MRPL9: variants seen among roughly 807,000 people sequenced by gnomAD.
MRPL9 encodes the protein mitochondrial ribosomal protein L9, also known as large ribosomal subunit protein bL9m.
A neutral mutation model predicts 27.6 loss-of-function variants in MRPL9; 25 were observed. The ratio of observed to expected loss-of-function variants is 0.91; its 90% CI spans 0.66 to 1.27. The LOEUF (loss-of-function observed/expected upper bound fraction) is 1.27, where lower values mean the gene tolerates loss of function less well. Ranked by LOEUF, MRPL9 falls within the 50% of genes most tolerant of loss-of-function variation. MRPL9 has a pLI of 0.00. For synonymous variants in MRPL9, 154 were observed against 139.0 expected, an observed-to-expected ratio of 1.11 and a Z score of -0.76; for missense variants, 362 against 338.0, an observed-to-expected ratio of 1.07 and a Z score of -0.56.
At chr1:151,762,295 G>C in intron 3 of MRPL9, 81 bp downstream of exon 3, 1 of 1,596,286 alleles carries the variant, frequency 6.3e-7, no homozygotes, top group Non-Finnish European at 8.6e-7. Flanking sequence ...TTCAAGTTAA[G>C]TTAAATGTCA....
intron 5 of MRPL9, 25 bp from the exon 6 acceptor site, chr1:151,760,924 A>AAAAAAAAAAAAAAAAAAAC (rs1648043722): frequency 6.6e-7 from 1 of 1,513,942 alleles, no homozygotes; most frequent in Non-Finnish European, 8.9e-7. Flanking sequence ...AAAAAAAAAA[A>AAAAAAAAAAAAAAAAAAAC]AATCTCAGCT....
intron 6 of MRPL9, 115 bp from the exon 7 acceptor site, chr1:151,760,296 G>C: frequency 7.3e-7 from 1 of 1,377,838 alleles, no homozygotes; most frequent in African/African-American, 1.5e-5. Flanking sequence ...GGAGAGCTAG[G>C]GCTGGGCACA....
At chr1:151,761,876 T>C in intron 4 of MRPL9, 1 of 599,812 alleles carries the variant, frequency 1.7e-6, no homozygotes, top group Non-Finnish European at 3.0e-6. Flanking sequence ...ATTCCATGGG[T>C]TCCCTGATTC....
intron 2 of MRPL9, 110 bp from the exon 3 acceptor site, chr1:151,762,610 A>C (rs1648150250): frequency 1.8e-6 from 2 of 1,134,154 alleles, no homozygotes; most frequent in South Asian, 3.2e-5. Context: ...ATTTTTCCTA[A>C]AAGAAATGCT....
At chr1:151,763,279 A>G (rs540324833) in intron 1 of MRPL9, 48 bp downstream of exon 1, 2 of 1,560,736 alleles carry the variant, frequency 1.3e-6, no homozygotes, top group African/African-American at 2.7e-5. Context: ...GCGCCTCCAG[A>G]AACAATACTC....
In MRPL9 at chr1:151,760,891, A is replaced by G; in HGVS notation, c.597T>C (p.Val199=). ...VARHFFKNLG[V]VVAPHTLKLP... Reference sequence around the variant, plus strand: ...ACTTTAATGTATGTGGGGCAACCACAACACCAAGCTGCAAAAAAAAAAAAA... The same window carrying G: ...ACTTTAATGTATGTGGGGCAACCACGACACCAAGCTGCAAAAAAAAAAAAA... The change falls in exon 6 of 7, where the codon GTT becomes GTC. Residue 199 remains valine (V), a synonymous_variant. Transcript: ENST00000368830. 6.5e-7 allele frequency: 1 copy of G among 1,527,158 alleles called. No individual in the cohort carries two copies. Among genetic ancestry groups the G allele is most frequent in the Non-Finnish European group, 8.7e-7 (1 of 1,144,824 alleles). The allele number at this position is 1,527,158 out of a possible 1,614,324, so 94.6% of individuals were successfully genotyped here.
chr1:151,763,070 T>A lies in MRPL9; in HGVS notation c.230A>T (p.His77Leu), dbSNP rs767800887. Reference protein sequence around the residue: ...EGRKPRLHRRHRVYKLVEDTK... With the variant: ...EGRKPRLHRRLRVYKLVEDTK... ...GTCCTCCACCAGCTTATAGACGCGA[T>A]GTCGCCGGTGCAGGCGCGGCTTCCG... The change falls in exon 2 of 7, where the codon CAT becomes CTT. Residue 77 changes from histidine (H) to leucine (L), a missense_variant. Physicochemically the swap from His to Leu is moderately conservative, Grantham distance 99. Coordinates refer to ENST00000368830, the MANE Select transcript of MRPL9 (RefSeq NM_031420.4). 6.2e-7 allele frequency: 1 copy of A among 1,614,038 alleles called. No homozygotes were observed. The highest frequency in any genetic ancestry group is 8.5e-7 in the Non-Finnish European group (1 of 1,180,010).
rs1553276959 is a variant in MRPL9, at chr1:151,760,921, A to AT, written c.589-23_589-22insA. On this transcript the variant is annotated intron_variant, in intron 5 of 6. Transcript: ENST00000368830. ...CAAGCTGCAAAAAAAAAAAAAAAAA[A>AT]AAAAATCTCAGCTCAAATGAACTCT... 3 of 1,541,120 alleles carry AT rather than the reference A, an allele frequency of 1.9e-6. No individual in the cohort carries two copies. The African/African-American group carries it at 4.4e-5, about 22-fold the overall frequency.
chr1:151,762,265 C>T (rs991489210), intron 3 of MRPL9, 110 bp from the exon 4 acceptor site: 2 of 1,574,418 alleles, frequency 1.3e-6, no homozygotes, highest in East Asian at 2.2e-5. Flanking sequence ...CATTCCTGTT[C>T]TTCTAGTTCC....
At position 151,763,454 on chromosome 1, in the gene MRPL9, G is replaced by T. The variant is rs1216068448; in HGVS notation, c.26C>A (p.Pro9Gln). The change falls in exon 1 of 7, where the codon CCG becomes CAG. Residue 9 changes from proline to glutamine, a missense_variant. By Grantham distance (76) the Pro-to-Gln change is moderately conservative. Transcript: ENST00000368830. Reference sequence around the variant, plus strand: ...GCCCGCCCGCAGCAGAGCTCTGCCCGGGGCCGTGACAACGGGCGCCGCCAT... The same window carrying T: ...GCCCGCCCGCAGCAGAGCTCTGCCCTGGGCCGTGACAACGGGCGCCGCCAT... MAAPVVTA[P>Q]GRALLRAGAG... The T allele has an allele frequency of 2.5e-6, 4 of 1,574,248 alleles. No homozygotes were observed. In the African/African-American group the frequency reaches 5.4e-5, roughly 21 times the overall value.
At chr1:151,760,669 G>T in intron 6 of MRPL9, 147 bp downstream of exon 6, 1 of 631,610 alleles carries the variant, frequency 1.6e-6, no homozygotes, top group Non-Finnish European at 2.6e-6. Flanking sequence ...TACTTGGGAG[G>T]CTGAGGTGGG....
chr1:151,761,572 T>A lies in MRPL9; in HGVS notation c.487-20A>T. ...CACTGTCTGAAAGGAATTATGAGTT[T>A]GAGTCAAAGGAGAGGAAACATGTCA... is the stretch of plus-strand genomic sequence containing the variant. On this transcript the variant is annotated intron_variant, in intron 4 of 6. Coordinates refer to ENST00000368830, the MANE Select transcript of MRPL9 (RefSeq NM_031420.4). 6.4e-7 allele frequency: 1 copy of A among 1,559,800 alleles called. No homozygotes were observed. Among genetic ancestry groups the A allele is most frequent in the Non-Finnish European group, 8.8e-7 (1 of 1,130,714 alleles).
intron 5 of MRPL9, 27 bp from the exon 6 acceptor site, chr1:151,760,926 A>AAAAAAAAAAAAAAC: frequency 7.0e-7 from 1 of 1,419,296 alleles, no homozygotes; most frequent in Non-Finnish European, 9.5e-7. Flanking sequence ...AAAAAAAAAA[A>AAAAAAAAAAAAAAC]TCTCAGCTCA....
chr1:151,761,819 C>T (rs768368333), intron 4 of MRPL9: 7 of 585,994 alleles, frequency 1.2e-5, no homozygotes, highest in Admixed American at 3.0e-5. Flanking sequence ...ATGTTCTCTC[C>T]AACTTGTACG....
At position 151,761,528 on chromosome 1, in the gene MRPL9, G is replaced by A. The variant is rs767824298; in HGVS notation, c.511C>T (p.Arg171Cys). The part of the protein sequence containing the change: ...EATVKFLKSC[R>C]LEVGMKNNVK... ...TTGTTCTTCATCCCTACCTCCAGGC[G>A]ACAGCTTTTTAGAAATTTCACTGTC... Residue 171 changes from arginine to cysteine, a missense_variant, in exon 5 of 7, where the codon CGC becomes TGC. Physicochemically the swap from Arg to Cys is radical, Grantham distance 180. Coordinates refer to ENST00000368830, the MANE Select transcript of MRPL9 (RefSeq NM_031420.4). The A allele has an allele frequency of 1.1e-5, 18 of 1,613,328 alleles. No individual in the cohort carries two copies. The highest frequency in any genetic ancestry group is 2.7e-5 in the African/African-American group (2 of 74,860).
At chr1:151,762,018 C>T (rs1360336215) in intron 4 of MRPL9, 87 bp downstream of exon 4, 1 of 1,338,008 alleles carries the variant, frequency 7.5e-7, no homozygotes, top group African/African-American at 1.5e-5. Context: ...GGTCTGCAAT[C>T]AGGAGACCTC....
In MRPL9 at chr1:151,763,360, G is replaced by C. The variant is rs1252235109; in HGVS notation, c.120C>G (p.Asp40Glu). 6.3e-7 allele frequency: 1 copy of C among 1,579,166 alleles called. No individual in the cohort carries two copies. The highest frequency in any genetic ancestry group is 1.7e-4 in the Middle Eastern group (1 of 6,028). ...LRPRHEGNAP[D>E]LACNFSLSQN... ...GAGAAAGGCTGAAGTTGCAGGCCAG[G>C]TCAGGGGCGTTCCCTTCATGTCGCG... Residue 40 changes from aspartate to glutamate, a missense_variant, in exon 1 of 7, where the codon GAC becomes GAG. By Grantham distance (45) the Asp-to-Glu change is conservative. Coordinates refer to ENST00000368830, the MANE Select transcript of MRPL9 (RefSeq NM_031420.4).
In MRPL9 at chr1:151,760,899, G is replaced by GATT; in HGVS notation, c.589-1_589insAAT (p.Asn196dup). The GATT allele has an allele frequency of 8.2e-7, 1 of 1,220,272 alleles. No individual in the cohort carries two copies. The highest frequency in any genetic ancestry group is 1.7e-5 in the South Asian group (1 of 59,744). The allele number at this position is 1,220,272 out of a possible 1,614,324, so 75.6% of individuals were successfully genotyped here. ...GTATGTGGGGCAACCACAACACCAA[G>GATT]CTGCAAAAAAAAAAAAAAAAAAAAA... is the stretch of plus-strand genomic sequence containing the variant. On this transcript the variant is annotated inframe_insertion and splice_region_variant. Coordinates refer to ENST00000368830, the MANE Select transcript of MRPL9 (RefSeq NM_031420.4).
chr1:151,759,985 G>T lies in MRPL9; in HGVS notation c.*65C>A. 6.3e-7 allele frequency: 1 copy of T among 1,582,252 alleles called. No individual in the cohort carries two copies. The highest frequency in any genetic ancestry group is 8.6e-7 in the Non-Finnish European group (1 of 1,163,760). On this transcript the variant is annotated 3_prime_UTR_variant, in exon 7 of 7. Transcript: ENST00000368830. ...TGGTCAGAGCTGGGAGTGAGATCAGGGTGCTTGCACATTTCTGCTCCACTG... is the reference window on the plus strand; with the variant it reads ...TGGTCAGAGCTGGGAGTGAGATCAGTGTGCTTGCACATTTCTGCTCCACTG...
Sources: gnomAD v4.1 joint callset for allele counts on GRCh38, gnomAD v4.1.1 for gene constraint, MANE v1.5 for transcripts, NCBI Gene and HGNC (gene_info 2026-07-23, HGNC 2026-07-21) for gene names.